The following KCNQ5 variants were observed in gnomAD, a reference collection of about 807,000 sequenced individuals.
The protein encoded by KCNQ5 is potassium voltage-gated channel subfamily KQT member 5.
A neutral mutation model predicts 98.2 loss-of-function variants in KCNQ5; 30 were observed. The observed-to-expected ratio is 0.31, with a 90% CI of 0.23 to 0.41. KCNQ5 has a LOEUF of 0.41. Among genes scored for constraint, KCNQ5 ranks in the 10% least tolerant of loss-of-function variants. KCNQ5 has a pLI of 1.00. For synonymous variants in KCNQ5, 458 were observed against 449.4 expected (o/e 1.02, Z -0.24); for missense variants, 835 against 1,182.5 (o/e 0.71, Z 4.31).
chr6:72,877,336 T>A (rs564897269), intron 1 of KCNQ5, among the ~76,000 whole-genome samples: 1 of 152,294 alleles, frequency 6.6e-6, no homozygotes, highest in East Asian at 1.9e-4. Flanking sequence ...GTTCCTGTGT[T>A]AGTTTGCTGA....
At chr6:72,910,561 GGGGTGTGTGTGTGTGTGTGTGTGT>G (rs1779895708) in intron 1 of KCNQ5, among the ~76,000 whole-genome samples, 1 of 102,886 alleles carries the variant, frequency 9.7e-6, no homozygotes, top group African/African-American at 3.7e-5. Context: ...GAAAGGTAGG[GGGGTGTGTGTGTGTGTGTGTGTGT>G]GTGTGTGTGT....
rs975396634 is a variant in KCNQ5 at position 73,099,493 on chromosome 6, C to T, written c.919-5764C>T. 2.6e-5 allele frequency among the ~76,000 whole-genome samples: 4 copies of T among 152,024 alleles called. No individual in the cohort carries two copies. The South Asian group carries it at 8.3e-4, about 32-fold the overall frequency. ...AATAAAGGGATAAAAAAAGATATCC[C>T]ATGCAAATGGAAACCGAAAAAGAGC... is the stretch of plus-strand genomic sequence containing the variant. On this transcript the variant is annotated intron_variant, in intron 5 of 13. Coordinates refer to ENST00000370398, the MANE Select transcript of KCNQ5 (RefSeq NM_019842.4).
Position 73,157,752 on chromosome 6 carries a change from G to C in KCNQ5, c.1469-11994G>C, listed in dbSNP as rs559149445. 3.9e-6 allele frequency: 3 copies of C among 778,440 alleles called. No homozygotes were observed. The South Asian group carries it at 4.0e-5, about 10-fold the overall frequency. 48.2% of individuals were successfully genotyped at this position (778,440 alleles called of 1,614,324 possible). A position where few individuals can be genotyped will look rare whatever the true frequency, so the allele number is the denominator to read the frequency against. The stretch of plus-strand genomic sequence containing the variant: ...AGGGGTCCCGAGCGATGAAGTAAGT[G>C]TGCTCCTAGGTGGGGTGCATGTTGG... On this transcript the variant is annotated intron_variant, in intron 10 of 13. Transcript: ENST00000370398.
rs564231898 is a variant in KCNQ5 at position 73,118,001 on chromosome 6, C to G, written c.1126-2482C>G. Among the ~76,000 whole-genome samples the G allele has an allele frequency of 2.6e-4, 40 of 152,286 alleles. 2 individuals carry two copies. The highest frequency in any genetic ancestry group is 9.4e-4 in the African/African-American group (39 of 41,570). On this transcript the variant is annotated intron_variant, in intron 7 of 13. Transcript: ENST00000370398. ...TTGGTTCAATCATTTAAACCTTCCT[C>G]AAAAATATAAAAAGTCCCTCAGTTT...
chr6:72,825,150 C>CA lies in KCNQ5; in HGVS notation c.399-178756dup, dbSNP rs1321688664. ...AAAAAACAAAACAAAACAACAACAACAACAAAAAAACGAACATTTAGGCTG... is the reference window on the plus strand; with the variant it reads ...AAAAAACAAAACAAAACAACAACAACAAACAAAAAAACGAACATTTAGGCTG... On this transcript the variant is annotated intron_variant, in intron 1 of 13. Transcript: ENST00000370398. 1.2e-3 allele frequency among the ~76,000 whole-genome samples: 177 copies of CA among 149,866 alleles called. 1 individual carries two copies. The highest frequency in any genetic ancestry group is 4.3e-3 in the East Asian group (22 of 5,108).
At chr6:72,640,369 C>T (rs199745111) in intron 1 of KCNQ5, among the ~76,000 whole-genome samples, 3 of 88,474 alleles carry the variant, frequency 3.4e-5, no homozygotes, top group Non-Finnish European at 5.6e-5. Flanking sequence ...ACTTTGTAAC[C>T]ATATATAGTC....
At chr6:72,977,065 G>A (rs954331328) in intron 1 of KCNQ5, among the ~76,000 whole-genome samples, 3 of 152,138 alleles carry the variant, frequency 2.0e-5, no homozygotes, top group Non-Finnish European at 2.9e-5. Context: ...CCATGTTAGC[G>A]AAAACTTGTA....
intron 1 of KCNQ5, among the ~76,000 whole-genome samples, chr6:72,970,297 C>T (rs1767820595): frequency 6.6e-6 from 1 of 152,000 alleles, no homozygotes; most frequent in Admixed American, 6.6e-5. Flanking sequence ...ACTAGTCCCC[C>T]ATAATTCAAA....
chr6:72,763,514 G>C (rs1430531093), intron 1 of KCNQ5, among the ~76,000 whole-genome samples: 1 of 151,886 alleles, frequency 6.6e-6, no homozygotes, highest in Non-Finnish European at 1.5e-5. Context: ...AGTCATGCTT[G>C]GTGCCCTTTA....
At chr6:72,915,701 C>A (rs1780107295) in intron 1 of KCNQ5, among the ~76,000 whole-genome samples, 1 of 151,706 alleles carries the variant, frequency 6.6e-6, no homozygotes, top group Admixed American at 6.6e-5. Context: ...CACAATCACG[C>A]ACACACACAC....
chr6:73,175,235 C>T (rs977170380), intron 11 of KCNQ5, among the ~76,000 whole-genome samples: 4 of 152,068 alleles, frequency 2.6e-5, no homozygotes, highest in East Asian at 3.9e-4. Context: ...ACTGCAACCT[C>T]CACCTCCCAG....
chr6:73,055,450 C>G (rs1166828497), intron 3 of KCNQ5: 1 of 1,545,770 alleles, frequency 6.5e-7, no homozygotes, highest in East Asian at 2.3e-5. Context: ...CCTATGATGT[C>G]CCACCACCTC....
intron 1 of KCNQ5, among the ~76,000 whole-genome samples, chr6:72,823,883 C>T (rs1433325425): frequency 1.3e-5 from 2 of 152,104 alleles, no homozygotes; most frequent in African/African-American, 4.8e-5. Context: ...TCTAGCCAAC[C>T]TCAAATCTAT....
chr6:73,181,875 C>A (rs1235691462), intron 11 of KCNQ5, among the ~76,000 whole-genome samples: 1 of 152,142 alleles, frequency 6.6e-6, no homozygotes, highest in Non-Finnish European at 1.5e-5. Flanking sequence ...ACAGGGATGG[C>A]AATAGTACCC....
chr6:72,947,791 G>A (rs1766615260), intron 1 of KCNQ5, among the ~76,000 whole-genome samples: 2 of 152,136 alleles, frequency 1.3e-5, no homozygotes, highest in African/African-American at 4.8e-5. Context: ...ACTTATGATT[G>A]CAGCCAAAGA....
intron 1 of KCNQ5, among the ~76,000 whole-genome samples, chr6:72,924,951 T>C (rs1405936706): frequency 6.6e-6 from 1 of 152,208 alleles, no homozygotes; most frequent in African/African-American, 2.4e-5. Flanking sequence ...AATTAGTTCT[T>C]CTCAAAAATT....
intron 1 of KCNQ5, among the ~76,000 whole-genome samples, chr6:72,914,898 C>T (rs1424676768): frequency 1.3e-5 from 2 of 151,916 alleles, no homozygotes; most frequent in African/African-American, 4.8e-5. Context: ...CAGCAAGTCT[C>T]CTACTCAAAG....
At chr6:72,709,615 A>T (rs1769258129) in intron 1 of KCNQ5, among the ~76,000 whole-genome samples, 1 of 152,192 alleles carries the variant, frequency 6.6e-6, no homozygotes, top group Non-Finnish European at 1.5e-5. Context: ...GTTTTCTATA[A>T]ACTTTCACTA....
At chr6:73,032,701 G>A (rs1771204557) in intron 2 of KCNQ5, among the ~76,000 whole-genome samples, 1 of 152,128 alleles carries the variant, frequency 6.6e-6, no homozygotes, top group South Asian at 2.1e-4. Flanking sequence ...TCAAGGTACA[G>A]CAAGCCATTT....
Sources: allele counts gnomAD v4.1 joint callset (sites outside exome capture counted in the v4.1 genomes callset), GRCh38; gene constraint gnomAD v4.1.1; transcripts MANE v1.5; gene names NCBI Gene and HGNC (gene_info 2026-07-23, HGNC 2026-07-21).